HSD17B2: variants seen among roughly 807,000 people sequenced by gnomAD.
HSD17B2 encodes the protein 17-beta-hydroxysteroid dehydrogenase type 2.
Under a neutral mutation model 26.9 loss-of-function variants are expected in HSD17B2, and 32 were observed. The ratio of observed to expected loss-of-function variants is 1.19; its 90% CI spans 0.90 to 1.60. The LOEUF is 1.60. Among genes scored for constraint, HSD17B2 ranks in the 40% most tolerant of loss-of-function variants. The pLI is 0.00. For missense variants in HSD17B2, 613 were observed against 468.6 expected (o/e 1.31, Z -2.85); for synonymous variants, 246 against 186.7 (o/e 1.32, Z -2.59).
chr16:82,093,444 C>T (rs960079737), intron 4 of HSD17B2: 1 of 152,226 alleles, frequency 6.6e-6, no homozygotes, highest in African/African-American at 2.4e-5. Flanking sequence ...CTGTAGTCCA[C>T]TCATTTCATT....
At chr16:82,043,586 A>C (rs1250389966) in intron 1 of HSD17B2, among the ~76,000 whole-genome samples, 1 of 131,906 alleles carries the variant, frequency 7.6e-6, no homozygotes, top group Non-Finnish European at 1.5e-5. Flanking sequence ...CGGGAGGCTG[A>C]GGCAGGAGAA....
At chr16:82,047,440 G>A (rs1316982938) in intron 1 of HSD17B2, among the ~76,000 whole-genome samples, 1 of 152,226 alleles carries the variant, frequency 6.6e-6, no homozygotes, top group Non-Finnish European at 1.5e-5. Flanking sequence ...GAGCAACTCT[G>A]TGCCTGGTAC....
At chr16:82,041,833 A>G (rs946776421) in intron 1 of HSD17B2, among the ~76,000 whole-genome samples, 1 of 152,080 alleles carries the variant, frequency 6.6e-6, no homozygotes, top group Non-Finnish European at 1.5e-5. Context: ...GGTATCAATT[A>G]TCTCCTCTGA....
At chr16:82,036,222 G>C (rs1329368680) in intron 1 of HSD17B2, among the ~76,000 whole-genome samples, 2 of 152,072 alleles carry the variant, frequency 1.3e-5, no homozygotes, top group Admixed American at 1.3e-4. Context: ...TGTCTGAACT[G>C]TTCCTCATTA....
chr16:82,074,838 T>C (rs1904293225), intron 3 of HSD17B2, among the ~76,000 whole-genome samples: 1 of 152,204 alleles, frequency 6.6e-6, no homozygotes, highest in Non-Finnish European at 1.5e-5. Context: ...ATCTGCACTA[T>C]AGACCAAATG....
At chr16:82,083,789 C>T (rs1018767034) in intron 3 of HSD17B2, among the ~76,000 whole-genome samples, 1 of 152,118 alleles carries the variant, frequency 6.6e-6, no homozygotes, top group Non-Finnish European at 1.5e-5. Context: ...CAGATTTGAC[C>T]ATGTCTACTA....
Position 82,090,877 on chromosome 16 carries a change from T to C in HSD17B2, c.665-25T>C, listed in dbSNP as rs931922185. 4 of 1,586,082 alleles carry C rather than the reference T, an allele frequency of 2.5e-6. No individual in the cohort carries two copies. In the African/African-American group the frequency reaches 4.1e-5, roughly 16 times the overall value. ...ACAAATGAACATTTCTAACTTTGCTTCTTTTTCTCCCATTATTCCCATAGG... is the reference window on the plus strand; with the variant it reads ...ACAAATGAACATTTCTAACTTTGCTCCTTTTTCTCCCATTATTCCCATAGG... On this transcript the variant is annotated intron_variant, in intron 3 of 4. Transcript: ENST00000199936.
intron 1 of HSD17B2, among the ~76,000 whole-genome samples, chr16:82,037,468 C>T (rs183110708): frequency 4.6e-5 from 7 of 152,216 alleles, no homozygotes; most frequent in East Asian, 1.9e-4. Flanking sequence ...TAGATTAGCA[C>T]GCATTGTGGT....
intron 1 of HSD17B2, among the ~76,000 whole-genome samples, chr16:82,055,159 T>C (rs1914228780): frequency 6.6e-6 from 1 of 152,238 alleles, no homozygotes; most frequent in African/African-American, 2.4e-5. Flanking sequence ...CTTGAACTAC[T>C]GCTGTAATTT....
chr16:82,053,592 C>G (rs968296989), intron 1 of HSD17B2, among the ~76,000 whole-genome samples: 1 of 152,188 alleles, frequency 6.6e-6, no homozygotes, highest in Non-Finnish European at 1.5e-5. Context: ...ACCTTGAGGC[C>G]AAGAACTGTG....
chr16:82,065,839 T>A (rs1049618236), intron 1 of HSD17B2, among the ~76,000 whole-genome samples: 1 of 152,202 alleles, frequency 6.6e-6, no homozygotes, highest in Non-Finnish European at 1.5e-5. Context: ...GATCTTGGCA[T>A]CTCTTGTTTT....
chr16:82,047,370 G>A lies in HSD17B2; in HGVS notation c.265+11681G>A, dbSNP rs11865667. The stretch of plus-strand genomic sequence containing the variant: ...TAGGAGGGTTTTAAAAAAGAACTCT[G>A]ATTAGCAGTGTGGAAAGGGGATTAG... On this transcript the variant is annotated intron_variant, in intron 1 of 4. Coordinates refer to ENST00000199936, the MANE Select transcript of HSD17B2 (RefSeq NM_002153.3). Among the ~76,000 whole-genome samples the A allele has an allele frequency of 9.2e-3, 1,405 of 152,324 alleles. 26 individuals are homozygous for A. Among genetic ancestry groups the A allele is most frequent in the African/African-American group, 0.033 (1,352 of 41,566 alleles).
chr16:82,039,351 G>GA (rs1913708385), intron 1 of HSD17B2, among the ~76,000 whole-genome samples: 4 of 150,216 alleles, frequency 2.7e-5, no homozygotes, highest in African/African-American at 9.8e-5. Flanking sequence ...GAGAGAGAGA[G>GA]GGAGAGAGAG....
chr16:82,075,666 G>A (rs560401873), intron 3 of HSD17B2, among the ~76,000 whole-genome samples: 9 of 152,216 alleles, frequency 5.9e-5, no homozygotes, highest in Admixed American at 5.9e-4. Flanking sequence ...ATTGAACCAT[G>A]AAGGAATCCA....
At chr16:82,060,055 T>C (rs181941941) in intron 1 of HSD17B2, among the ~76,000 whole-genome samples, 1 of 152,352 alleles carries the variant, frequency 6.6e-6, no homozygotes, top group Admixed American at 6.5e-5. Context: ...GTTGAGCTTT[T>C]ATTTTGACCT....
At chr16:82,091,391 T>G in intron 4 of HSD17B2, 2 of 317,880 alleles carry the variant, frequency 6.3e-6, no homozygotes, top group Non-Finnish European at 1.2e-5. Context: ...GAAGTCCAGA[T>G]TCTGTCTTCC....
At position 82,071,079 on chromosome 16, in the gene HSD17B2, C is replaced by T; in HGVS notation, c.616C>T (p.Leu206Phe). 6.2e-7 allele frequency: 1 copy of T among 1,614,154 alleles called. No individual in the cohort carries two copies. The highest frequency in any genetic ancestry group is 8.5e-7 in the Non-Finnish European group (1 of 1,180,010). ...TVEVTKTFLP[L>F]LRKSKGRLVN... ...GGAGGTCACAAAGACGTTTTTGCCTCTTCTTAGAAAATCCAAAGGGAGGCT... is the reference window on the plus strand; with the variant it reads ...GGAGGTCACAAAGACGTTTTTGCCTTTTCTTAGAAAATCCAAAGGGAGGCT... Residue 206 changes from leucine to phenylalanine, a missense_variant, in exon 3 of 5, where the codon CTT becomes TTT. Coordinates refer to ENST00000199936, the MANE Select transcript of HSD17B2 (RefSeq NM_002153.3).
At chr16:82,075,507 A>G (rs918344916) in intron 3 of HSD17B2, among the ~76,000 whole-genome samples, 1 of 152,176 alleles carries the variant, frequency 6.6e-6, no homozygotes, top group Non-Finnish European at 1.5e-5. Context: ...AGAAGACCCA[A>G]TAAAAATCAG....
chr16:82,087,156 T>G (rs1429683605), intron 3 of HSD17B2, among the ~76,000 whole-genome samples: 1 of 152,166 alleles, frequency 6.6e-6, no homozygotes, highest in East Asian at 1.9e-4. Context: ...TACCTAATGT[T>G]AGGTTATTCA....
Sources: gnomAD v4.1 joint callset for allele counts (sites outside exome capture counted in the v4.1 genomes callset) on GRCh38, gnomAD v4.1.1 for gene constraint, MANE v1.5 for transcripts, NCBI Gene and HGNC (gene_info 2026-07-23, HGNC 2026-07-21) for gene names.